The following INPP5D variants were observed in gnomAD, a reference collection of about 807,000 sequenced individuals.
INPP5D encodes the protein phosphatidylinositol 3,4,5-trisphosphate 5-phosphatase 1.
Under a neutral mutation model 122.9 loss-of-function variants are expected in INPP5D, and 33 were observed. The ratio of observed to expected loss-of-function variants is 0.27; its 90% CI spans 0.20 to 0.36. The LOEUF (loss-of-function observed/expected upper bound fraction) is 0.36. Ranked by LOEUF, INPP5D falls within the 10% of genes least tolerant of loss-of-function variation. The pLI, the probability that INPP5D is intolerant of heterozygous loss-of-function variation, is 1.00. For synonymous variants in INPP5D, 584 were observed against 576.2 expected, an observed-to-expected ratio of 1.01 and a Z score of -0.19; for missense variants, 1,053 against 1,412.7, an observed-to-expected ratio of 0.75 and a Z score of 4.08.
intron 1 of INPP5D, among the ~76,000 whole-genome samples, chr2:233,067,109 G>A (rs1691250787): frequency 6.6e-6 from 1 of 152,164 alleles, no homozygotes; most frequent in Admixed American, 6.5e-5. Context: ...TGCTTTTAGT[G>A]CATTCACAAT....
chr2:233,198,023 CT>C, intron 24 of INPP5D, 71 bp from the exon 25 acceptor site: 2 of 1,459,376 alleles, frequency 1.4e-6, no homozygotes, highest in Non-Finnish European at 1.8e-6. Context: ...TCAGAGGACA[CT>C]TTCCTTGGGC....
chr2:233,133,272 C>G (rs10933433), intron 5 of INPP5D, among the ~76,000 whole-genome samples: 71,750 of 151,946 alleles, frequency 0.47, 17,382 homozygotes, highest in African/African-American at 0.55. Flanking sequence ...AGATAAAACA[C>G]GATGATGTGA....
chr2:233,189,026 G>T lies in INPP5D; in HGVS notation c.2359-824G>T, dbSNP rs980557568. On this transcript the variant is annotated intron_variant, in intron 21 of 26. Transcript: ENST00000445964. This position sits in a 1 kb window ranked among gnomAD's most constrained non-coding sequence, Gnocchi z 5.6. ...CCCTTCTGTATGGGAGTCATCGTGA[G>T]AAACAGCCCCACATCTGAAAAAGTC... Among the ~76,000 whole-genome samples the T allele has an allele frequency of 1.3e-5, 2 of 152,216 alleles. No individual in the cohort carries two copies. The highest frequency in any genetic ancestry group is 2.9e-5 in the Non-Finnish European group (2 of 68,038).
Position 233,188,814 on chromosome 2 carries a change from C to T in INPP5D, c.2359-1036C>T, listed in dbSNP as rs545960183. Among the ~76,000 whole-genome samples the T allele has an allele frequency of 7.9e-5, 12 of 152,264 alleles. No individual in the cohort carries two copies. Among genetic ancestry groups the T allele is most frequent in the East Asian group, 7.7e-4 (4 of 5,188 alleles). ...CTGACCTCAAGTGATCCACCCACCT[C>T]GGCCTCCCAAAGTGCTGTGATTATA... On this transcript the variant is annotated intron_variant, in intron 21 of 26. Coordinates refer to ENST00000445964, the MANE Select transcript of INPP5D (RefSeq NM_001017915.3). This position sits in a 1 kb window ranked among gnomAD's most constrained non-coding sequence, Gnocchi z 4.7.
At chr2:233,150,516 T>A (rs1224349473) in intron 9 of INPP5D, among the ~76,000 whole-genome samples, 1 of 126,118 alleles carries the variant, frequency 7.9e-6, no homozygotes, top group Non-Finnish European at 2.0e-5. Flanking sequence ...GAGAGAGGGG[T>A]GGCCCCAACT....
chr2:233,139,642 A>G (rs1368826173), intron 5 of INPP5D, among the ~76,000 whole-genome samples, 200 bp from the exon 6 acceptor site: 4 of 152,316 alleles, frequency 2.6e-5, no homozygotes, highest in African/African-American at 7.2e-5. Flanking sequence ...ACACAATTCC[A>G]GTTCGCTGTG....
rs79248254 is a variant in INPP5D at position 233,188,687 on chromosome 2, G to A, written c.2359-1163G>A. 1.3e-5 allele frequency among the ~76,000 whole-genome samples: 2 copies of A among 152,116 alleles called. No homozygotes were observed. Among genetic ancestry groups the A allele is most frequent in the African/African-American group, 2.4e-5 (1 of 41,406 alleles). On this transcript the variant is annotated intron_variant, in intron 21 of 26. Transcript: ENST00000445964. This position sits in a 1 kb window ranked among gnomAD's most constrained non-coding sequence, Gnocchi z 4.7. ...AGCGATTTGCCTGTCTCAGCCTCCC[G>A]AGTACCTGGGACGACAGGCACGCCC...
chr2:233,129,964 C>T (rs1693271566), intron 4 of INPP5D, among the ~76,000 whole-genome samples: 1 of 151,924 alleles, frequency 6.6e-6, no homozygotes, highest in Admixed American at 6.6e-5. Flanking sequence ...TGCAATGGCA[C>T]GATCTGTTTT....
intron 5 of INPP5D, among the ~76,000 whole-genome samples, chr2:233,139,323 A>T (rs1181783573): frequency 6.6e-6 from 1 of 152,170 alleles, no homozygotes; most frequent in Admixed American, 6.5e-5. Flanking sequence ...ACAATGGGAA[A>T]ATCCGTCTGA....
Position 233,078,831 on chromosome 2 carries a change from C to T in INPP5D, c.135-504C>T, listed in dbSNP as rs183807189. ...CCAAGTAGCTGGGACTACAGGTGTG[C>T]GCCACCACGCCCAGCTAATTTTTGT... On this transcript the variant is annotated intron_variant, in intron 1 of 26. Coordinates refer to ENST00000445964, the MANE Select transcript of INPP5D (RefSeq NM_001017915.3). The surrounding 1 kb of genome is among the most constrained non-coding windows in gnomAD (Gnocchi z 4.6). 4.0e-4 allele frequency among the ~76,000 whole-genome samples: 61 copies of T among 152,066 alleles called. No homozygotes were observed. Among genetic ancestry groups the T allele is most frequent in the Admixed American group, 9.2e-4 (14 of 15,266 alleles).
intron 1 of INPP5D, among the ~76,000 whole-genome samples, chr2:233,063,814 A>G (rs938679498): frequency 5.3e-5 from 8 of 152,326 alleles, no homozygotes; most frequent in Non-Finnish European, 1.2e-4. Context: ...AGTAGAGCCT[A>G]TGTTGTCCCC....
At chr2:233,060,651 C>T (rs1050137550) in intron 1 of INPP5D, 39 bp downstream of exon 1, 70 of 1,610,292 alleles carry the variant, frequency 4.3e-5, no homozygotes, top group Non-Finnish European at 5.8e-5. Context: ...ACAGATATGA[C>T]AGAGGGGCTT....
At chr2:233,060,636 C>G in intron 1 of INPP5D, 24 bp downstream of exon 1, 3 of 1,612,750 alleles carry the variant, frequency 1.9e-6, no homozygotes, top group Non-Finnish European at 2.5e-6. Flanking sequence ...GCTCCCTCCC[C>G]GGGCACAGAT....
At position 233,204,295 on chromosome 2, in the gene INPP5D, C is replaced by A; in HGVS notation, c.3145C>A (p.Pro1049Thr). Reference protein sequence around the residue: ...SPKMPRKEPPPCPEPGILSPS... With the variant: ...SPKMPRKEPPTCPEPGILSPS... Reference sequence around the variant, plus strand: ...CAAAATGCCGCGGAAGGAACCCCCGCCCTGCCCGGAACCCGGCATCTTGTC... The same window carrying A: ...CAAAATGCCGCGGAAGGAACCCCCGACCTGCCCGGAACCCGGCATCTTGTC... Residue 1049 changes from proline (P) to threonine (T), a missense_variant, in exon 26 of 27, where the codon CCC becomes ACC. Physicochemically the swap from Pro to Thr is conservative, Grantham distance 38 (BLOSUM62 -1). Around this residue, in one of 6 missense-constraint regions of INPP5D, gnomAD observed 417 missense variants for 425.8 expected, o/e 0.98. Coordinates refer to ENST00000445964, the MANE Select transcript of INPP5D (RefSeq NM_001017915.3). The A allele has an allele frequency of 6.2e-7, 1 of 1,612,894 alleles. No homozygotes were observed. The highest frequency in any genetic ancestry group is 1.3e-5 in the African/African-American group (1 of 75,052).
At chr2:233,061,184 CTT>C (rs1258414339) in intron 1 of INPP5D, among the ~76,000 whole-genome samples, 2 of 152,032 alleles carry the variant, frequency 1.3e-5, no homozygotes, top group African/African-American at 4.8e-5. Flanking sequence ...CGAGCAGCCT[CTT>C]CTCTCTCCTG....
At chr2:233,184,939 T>TG (rs1694874245) in intron 20 of INPP5D, among the ~76,000 whole-genome samples, 2 of 151,844 alleles carry the variant, frequency 1.3e-5, no homozygotes, top group South Asian at 4.2e-4. Context: ...TGGCCCCTCT[T>TG]GCTCGTTGGA....
At chr2:233,173,010 G>T (rs1485004147) in intron 17 of INPP5D, among the ~76,000 whole-genome samples, 1 of 152,066 alleles carries the variant, frequency 6.6e-6, no homozygotes, top group Non-Finnish European at 1.5e-5. Flanking sequence ...GGAGTTCAAG[G>T]CCAGCCTGGC....
intron 24 of INPP5D, among the ~76,000 whole-genome samples, chr2:233,196,247 C>T (rs114943917): frequency 1.1e-4 from 17 of 152,322 alleles, no homozygotes; most frequent in African/African-American, 4.1e-4. Flanking sequence ...AGGTGCTCTC[C>T]TGCCTCCTCT....
intron 6 of INPP5D, among the ~76,000 whole-genome samples, chr2:233,143,167 G>C (rs1205772821): frequency 6.6e-6 from 1 of 152,206 alleles, no homozygotes; most frequent in Non-Finnish European, 1.5e-5. Flanking sequence ...TTTCAGATGT[G>C]CTTGGCATAG....
Sources: allele counts gnomAD v4.1 joint callset (sites outside exome capture counted in the v4.1 genomes callset), GRCh38; gene constraint gnomAD v4.1.1; regional missense constraint gnomAD v4.1.1; non-coding constraint Gnocchi (gnomAD v3.1); transcripts MANE v1.5; gene names NCBI Gene and HGNC (gene_info 2026-07-23, HGNC 2026-07-21).